The following ICE1 variants were observed in gnomAD, a reference collection of about 807,000 sequenced individuals.
ICE1 encodes the protein little elongation complex subunit 1.
In ICE1, 64 loss-of-function variants were observed where a neutral mutation model predicts 192.7. That is an observed-to-expected ratio of 0.33 (90% CI 0.27 to 0.41). ICE1 has a LOEUF of 0.41. Among genes scored for constraint, ICE1 ranks in the 10% least tolerant of loss-of-function variants. ICE1 has a pLI of 1.00. For synonymous variants in ICE1, 1,010 were observed against 984.5 expected, an observed-to-expected ratio of 1.03 and a Z score of -0.49; for missense variants, 2,708 against 2,696.0, an observed-to-expected ratio of 1.00 and a Z score of -0.10.
chr5:5,480,531 G>T (rs904962821), intron 17 of ICE1, among the ~76,000 whole-genome samples: 3 of 152,114 alleles, frequency 2.0e-5, no homozygotes, highest in African/African-American at 7.2e-5. Flanking sequence ...TACAGGTGGA[G>T]CCACCGCGCC....
chr5:5,465,142 T>C lies in ICE1; in HGVS notation c.5808T>C (p.His1936=), dbSNP rs1311600498. 6.2e-7 allele frequency: 1 copy of C among 1,610,530 alleles called. No homozygotes were observed. Among genetic ancestry groups the C allele is most frequent in the African/African-American group, 1.3e-5 (1 of 75,034 alleles). The change falls in exon 13 of 19, where the codon CAT becomes CAC. Residue 1936 remains histidine (H), a synonymous_variant. Transcript: ENST00000296564. ...ATCTGTTACCTGTCATTCGTAGTCA[T>C]GTGTATGTGGGAAATATCTCCAAAA... ...SFDLLPVIRS[H]VYVGNISKKP...
intron 10 of ICE1, among the ~76,000 whole-genome samples, chr5:5,448,967 C>T (rs1016876468): frequency 9.2e-5 from 14 of 152,174 alleles, no homozygotes; most frequent in Admixed American, 2.0e-4. Flanking sequence ...GACGTGACAA[C>T]GTTTGCTTTC....
At chr5:5,458,848 G>T (rs1320294895) in intron 12 of ICE1, among the ~76,000 whole-genome samples, 1 of 152,050 alleles carries the variant, frequency 6.6e-6, no homozygotes, top group Non-Finnish European at 1.5e-5. Flanking sequence ...GCAGGGTAGC[G>T]GCTTAATAAG....
chr5:5,441,904 T>C (rs1486913776), intron 5 of ICE1, among the ~76,000 whole-genome samples: 1 of 152,206 alleles, frequency 6.6e-6, no homozygotes, highest in Non-Finnish European at 1.5e-5. Context: ...AAATGAGTCT[T>C]TCAATAATGC....
intron 11 of ICE1, 90 bp downstream of exon 11, chr5:5,454,728 T>G: frequency 1.2e-6 from 1 of 819,080 alleles, no homozygotes; most frequent in Non-Finnish European, 2.0e-6. Context: ...TAATAGCTCC[T>G]GATTCTAACA....
chr5:5,429,930 A>G (rs1259362808), intron 1 of ICE1, among the ~76,000 whole-genome samples: 1 of 152,210 alleles, frequency 6.6e-6, no homozygotes, highest in East Asian at 1.9e-4. Flanking sequence ...TGTGTTAGTG[A>G]ATTAGTATAG....
chr5:5,489,493 C>G lies in ICE1; in HGVS notation c.*163C>G, dbSNP rs75258734. The G allele has an allele frequency of 1.0e-5, 6 of 596,762 alleles. No homozygotes were observed. The highest frequency in any genetic ancestry group is 5.6e-5 in the African/African-American group (3 of 53,766). 37.0% of individuals were successfully genotyped at this position (596,762 alleles called of 1,614,324 possible). A position where few individuals can be genotyped will look rare whatever the true frequency, so the allele number is the denominator to read the frequency against. ...TTGTTTGGCAAGGAGACAGGAGAAACAAGCAGTCGCATAGTCGTTTTTCCC... is the reference window on the plus strand; with the variant it reads ...TTGTTTGGCAAGGAGACAGGAGAAAGAAGCAGTCGCATAGTCGTTTTTCCC... On this transcript the variant is annotated 3_prime_UTR_variant, in exon 19 of 19. Coordinates refer to ENST00000296564, the MANE Select transcript of ICE1 (RefSeq NM_015325.3).
Position 5,465,027 on chromosome 5 carries a change from C to T in ICE1, c.5693C>T (p.Ser1898Leu). ...TCTAGTCCAGCCGTCAGTGCAGTTTCACAGTTGCCTTTAAGCCCAAAAGAA... is the reference window on the plus strand; with the variant it reads ...TCTAGTCCAGCCGTCAGTGCAGTTTTACAGTTGCCTTTAAGCCCAAAAGAA... ...SCSSPAVSAVSQLPLSPKETV... is the reference protein window; with the variant it reads ...SCSSPAVSAVLQLPLSPKETV... Residue 1898 changes from serine (S) to leucine (L), a missense_variant, in exon 13 of 19, where the codon TCA becomes TTA. By Grantham distance (145) the Ser-to-Leu change is moderately radical. Around this residue, in one of 2 missense-constraint regions of ICE1, gnomAD observed 2,366 missense variants for 2,276.6 expected, o/e 1.04. Coordinates refer to ENST00000296564, the MANE Select transcript of ICE1 (RefSeq NM_015325.3). 1.2e-6 allele frequency: 2 copies of T among 1,613,986 alleles called. No homozygotes were observed. The highest frequency in any genetic ancestry group is 1.7e-6 in the Non-Finnish European group (2 of 1,179,888).
At chr5:5,477,938 C>G (rs762806558) in intron 17 of ICE1, among the ~76,000 whole-genome samples, 1 of 152,208 alleles carries the variant, frequency 6.6e-6, no homozygotes, top group Non-Finnish European at 1.5e-5. Context: ...AACATCCCTT[C>G]ATGCTAAAAA....
intron 16 of ICE1, among the ~76,000 whole-genome samples, chr5:5,474,192 A>G (rs1290469482): frequency 6.6e-6 from 1 of 151,182 alleles, no homozygotes; most frequent in African/African-American, 2.4e-5. Context: ...CCTGGGTGAC[A>G]GAGTAAGACT....
chr5:5,472,619 C>T (rs1162193945), intron 15 of ICE1, among the ~76,000 whole-genome samples: 1 of 152,122 alleles, frequency 6.6e-6, no homozygotes, highest in Non-Finnish European at 1.5e-5. Flanking sequence ...CATGATTTGG[C>T]TATGGATTAT....
chr5:5,430,523 T>G (rs755127426), intron 1 of ICE1, among the ~76,000 whole-genome samples: 1 of 152,206 alleles, frequency 6.6e-6, no homozygotes, highest in East Asian at 1.9e-4. Context: ...TAGACAGATA[T>G]ACAAGAGTTG....
At chr5:5,474,139 G>T (rs917648334) in intron 16 of ICE1, among the ~76,000 whole-genome samples, 3 of 151,800 alleles carry the variant, frequency 2.0e-5, no homozygotes, top group African/African-American at 7.3e-5. Context: ...GAGCCCGGGA[G>T]GCAGAGCTTG....
intron 18 of ICE1, among the ~76,000 whole-genome samples, chr5:5,487,469 C>T (rs1739665973): frequency 6.6e-6 from 1 of 152,140 alleles, no homozygotes; most frequent in Admixed American, 6.5e-5. Flanking sequence ...ATTTTAAATA[C>T]TGTATAACAC....
rs534562091 is a variant in ICE1 at position 5,433,812 on chromosome 5, A to G, written c.85-2606A>G. On this transcript the variant is annotated intron_variant, in intron 1 of 18. Transcript: ENST00000296564. ...GTGACCCAACAATTCTGTACCTAGC[A>G]AAGTCTTATTCATGCATGAGAGGTG... Among the ~76,000 whole-genome samples the G allele has an allele frequency of 4.6e-5, 7 of 152,290 alleles. No individual in the cohort carries two copies. The South Asian group carries it at 1.5e-3, about 32-fold the overall frequency.
intron 17 of ICE1, among the ~76,000 whole-genome samples, chr5:5,483,508 G>C (rs1235453480): frequency 6.6e-6 from 1 of 152,184 alleles, no homozygotes; most frequent in East Asian, 1.9e-4. Flanking sequence ...TGGAATGCTT[G>C]AATTGCTCTA....
chr5:5,458,339 A>C (rs1738647910), intron 12 of ICE1, among the ~76,000 whole-genome samples: 1 of 152,078 alleles, frequency 6.6e-6, no homozygotes, highest in South Asian at 2.1e-4. Context: ...CAGGCTAGAC[A>C]CTGGGTGTGC....
intron 7 of ICE1, among the ~76,000 whole-genome samples, chr5:5,445,142 G>A (rs1051257381): frequency 5.9e-5 from 9 of 152,186 alleles, no homozygotes; most frequent in African/African-American, 1.9e-4. Flanking sequence ...CATTTAGAGC[G>A]TGAAGTTAGA....
At position 5,457,846 on chromosome 5, in the gene ICE1, C is replaced by G. The variant is rs1197253767; in HGVS notation, c.1101+105C>G. 29 of 1,181,248 alleles carry G rather than the reference C, an allele frequency of 2.5e-5. No individual in the cohort carries two copies. The East Asian group carries it at 5.7e-4, about 23-fold the overall frequency. 73.2% of individuals were successfully genotyped at this position (1,181,248 alleles called of 1,614,324 possible). A position where few individuals can be genotyped will look rare whatever the true frequency, so the allele number is the denominator to read the frequency against. ...TAGTGATATTCTTGCACAGATTATT[C>G]ATTTTAGCCAATTTTGTTAGGGGGT... On this transcript the variant is annotated intron_variant, in intron 12 of 18. Coordinates refer to ENST00000296564, the MANE Select transcript of ICE1 (RefSeq NM_015325.3).
Sources: allele counts gnomAD v4.1 joint callset (sites outside exome capture counted in the v4.1 genomes callset), GRCh38; gene constraint gnomAD v4.1.1; regional missense constraint gnomAD v4.1.1; transcripts MANE v1.5; gene names NCBI Gene and HGNC (gene_info 2026-07-23, HGNC 2026-07-21).